The following ROBO1 variants were observed in gnomAD, a reference collection of about 807,000 sequenced individuals.
ROBO1 encodes roundabout guidance receptor 1.
A neutral mutation model predicts 195.9 loss-of-function variants in ROBO1; 149 were observed. That is an observed-to-expected ratio of 0.76 (90% CI 0.67 to 0.87). The LOEUF is 0.87. Among genes scored for constraint, ROBO1 ranks in the 40% least tolerant of loss-of-function variants. The probability of loss-of-function intolerance (pLI) is 0.00; values close to 1 mark genes in which losing one functional copy is unlikely to be tolerated. For synonymous variants in ROBO1, 816 were observed against 733.2 expected, an observed-to-expected ratio of 1.11 and a Z score of -1.82; for missense variants, 1,933 against 2,068.3, an observed-to-expected ratio of 0.93 and a Z score of 1.27.
chr3:79,525,539 G>GATAT (rs367662211), intron 2 of ROBO1, among the ~76,000 whole-genome samples: 10,531 of 140,752 alleles, frequency 0.075, 506 homozygotes, highest in East Asian at 0.16. Flanking sequence ...TTATACTTCA[G>GATAT]ATATATATAT....
At chr3:78,598,950 A>G (rs1466947502) in intron 30 of ROBO1, 23 bp from the exon 31 acceptor site, 2 of 1,499,304 alleles carry the variant, frequency 1.3e-6, no homozygotes, top group Admixed American at 1.8e-5. Context: ...CGTTATTGTC[A>G]CATTTGAAAA....
At position 78,614,787 on chromosome 3, in the gene ROBO1, A is replaced by C. The variant is rs762791755; in HGVS notation, c.4296T>G (p.Phe1432Leu). The change falls in exon 28 of 31, where the codon TTT (phenylalanine) becomes TTG (leucine). Residue 1432 changes from phenylalanine (F) to leucine (L), a missense_variant. Transcript: ENST00000464233. ...QMQDAAGRRH[F>L]HASQCPRPTS... ...TGGGCCTAGGGCACTGAGACGCATG[A>C]AAATGTCGACGGCCTAAGGAGAAAA... 1 of 1,611,344 alleles carries C rather than the reference A, an allele frequency of 6.2e-7. No homozygotes were observed.
intron 1 of ROBO1, among the ~76,000 whole-genome samples, chr3:79,681,729 G>A (rs1316278186): frequency 6.6e-6 from 1 of 151,880 alleles, no homozygotes; most frequent in Non-Finnish European, 1.5e-5. Context: ...CTACTCTGGG[G>A]CACTGGGCTT....
chr3:79,277,124 C>T (rs1032440312), intron 2 of ROBO1, among the ~76,000 whole-genome samples: 1 of 151,780 alleles, frequency 6.6e-6, no homozygotes, highest in Non-Finnish European at 1.5e-5. Context: ...TAGGTGTATA[C>T]CCAAAAGAAA....
chr3:79,572,023 C>T (rs1943294506), intron 2 of ROBO1, among the ~76,000 whole-genome samples: 1 of 152,032 alleles, frequency 6.6e-6, no homozygotes, highest in Non-Finnish European at 1.5e-5. Flanking sequence ...AAAATACTAT[C>T]CTTGTTTTAA....
intron 2 of ROBO1, among the ~76,000 whole-genome samples, chr3:79,220,653 T>C (rs1456187848): frequency 6.6e-6 from 1 of 151,954 alleles, no homozygotes; most frequent in Non-Finnish European, 1.5e-5. Flanking sequence ...CCCAGTTTTG[T>C]ATGATGGAGT....
At chr3:79,363,156 A>T (rs567632645) in intron 2 of ROBO1, among the ~76,000 whole-genome samples, 1 of 152,324 alleles carries the variant, frequency 6.6e-6, no homozygotes, top group South Asian at 2.1e-4. Flanking sequence ...TATGAAACAC[A>T]TAAAATCTGT....
chr3:79,213,930 A>T (rs1240496924), intron 2 of ROBO1, among the ~76,000 whole-genome samples: 1 of 146,346 alleles, frequency 6.8e-6, no homozygotes, highest in Admixed American at 7.2e-5. Flanking sequence ...GGTTCAAGAG[A>T]TTCTCCTGCC....
chr3:79,451,564 G>A (rs913339453), intron 2 of ROBO1, among the ~76,000 whole-genome samples: 1 of 152,126 alleles, frequency 6.6e-6, no homozygotes, highest in Non-Finnish European at 1.5e-5. Context: ...TATTTTACCA[G>A]AGAAAAACTC....
At chr3:79,053,357 C>T (rs578103294) in intron 3 of ROBO1, among the ~76,000 whole-genome samples, 14 of 152,064 alleles carry the variant, frequency 9.2e-5, no homozygotes, top group Middle Eastern at 6.8e-3. Flanking sequence ...TATGGTCACC[C>T]CCCAATGACC....
rs769710416 is a variant in ROBO1 at position 78,627,324 on chromosome 3, C to T, written c.3872G>A (p.Arg1291Lys). 19 of 1,611,814 alleles carry T rather than the reference C, an allele frequency of 1.2e-5. No individual in the cohort carries two copies. Among genetic ancestry groups the T allele is most frequent in the Non-Finnish European group, 1.6e-5 (19 of 1,178,956 alleles). ...AAGAAGGCTAGTGACAACATACCTC[C>T]TGTCGGGCTGGTGCTGCATGTGGCC... ...ETGHMQHQPD[R>K]RRQPVSPPPP... The change falls in exon 26 of 31, where the codon AGG (arginine) becomes AAG (lysine). Residue 1291 changes from arginine to lysine, a missense_variant. Arg to Lys is a conservative substitution (Grantham distance 26, BLOSUM62 2). Coordinates refer to ENST00000464233, the MANE Select transcript of ROBO1 (RefSeq NM_002941.4).
intron 4 of ROBO1, among the ~76,000 whole-genome samples, chr3:78,800,389 A>G (rs1167672533): frequency 6.6e-6 from 1 of 152,156 alleles, no homozygotes; most frequent in East Asian, 1.9e-4. Context: ...AGTAATGAAC[A>G]ATTTTAATGT....
intron 5 of ROBO1, among the ~76,000 whole-genome samples, chr3:78,725,528 T>A (rs1461221805): frequency 6.6e-6 from 1 of 152,140 alleles, no homozygotes; most frequent in Non-Finnish European, 1.5e-5. Flanking sequence ...AAATCCTGCC[T>A]TCATCTCCTT....
chr3:79,026,948 C>T (rs1471359119), intron 3 of ROBO1, among the ~76,000 whole-genome samples: 1 of 151,992 alleles, frequency 6.6e-6, no homozygotes, highest in African/African-American at 2.4e-5. Context: ...GTAGGATTGA[C>T]ATACATATGT....
intron 2 of ROBO1, among the ~76,000 whole-genome samples, chr3:79,358,604 G>C (rs1224265168): frequency 6.6e-6 from 1 of 152,036 alleles, no homozygotes. Flanking sequence ...GTGTCTGGGT[G>C]TGCTTTAATT....
chr3:78,723,791 A>G (rs1227689964), intron 5 of ROBO1, among the ~76,000 whole-genome samples: 2 of 152,174 alleles, frequency 1.3e-5, no homozygotes, highest in Non-Finnish European at 1.5e-5. Context: ...CTAAAGACCC[A>G]GCTCTGGACT....
At chr3:79,165,436 C>T (rs1433418434) in intron 2 of ROBO1, among the ~76,000 whole-genome samples, 1 of 152,202 alleles carries the variant, frequency 6.6e-6, no homozygotes, top group Non-Finnish European at 1.5e-5. Context: ...GCTGAGTGAA[C>T]TCAGTATCCC....
intron 2 of ROBO1, among the ~76,000 whole-genome samples, chr3:79,432,351 T>A (rs919023719): frequency 1.3e-5 from 2 of 152,118 alleles, no homozygotes; most frequent in Admixed American, 1.3e-4. Context: ...ATGTGTTCCA[T>A]GTGAAATGGG....
At chr3:79,048,816 G>C (rs2078643292) in intron 3 of ROBO1, among the ~76,000 whole-genome samples, 1 of 152,098 alleles carries the variant, frequency 6.6e-6, no homozygotes, top group African/African-American at 2.4e-5. Flanking sequence ...CTGACTGTTA[G>C]AAGGAAAACT....
Sources: gnomAD v4.1 joint callset for allele counts (sites outside exome capture counted in the v4.1 genomes callset) on GRCh38, gnomAD v4.1.1 for gene constraint, MANE v1.5 for transcripts, NCBI Gene and HGNC (gene_info 2026-07-23, HGNC 2026-07-21) for gene names.